LCT: variants seen among roughly 807,000 people sequenced by gnomAD.
LCT encodes the protein lactase.
A neutral mutation model predicts 173.0 loss-of-function variants in LCT; 90 were observed. The observed-to-expected ratio is 0.52, with a 90% CI of 0.44 to 0.62. The LOEUF is 0.62. LCT is among the 20% of genes least tolerant of loss of function. The pLI, the probability that LCT is intolerant of heterozygous loss-of-function variation, is 0.00. For synonymous variants in LCT, 853 were observed against 957.6 expected (o/e 0.89, Z 2.02); for missense variants, 1,864 against 2,431.4 (o/e 0.77, Z 4.91).
At position 135,811,005 on chromosome 2, in the gene LCT, C is replaced by T. The variant is rs370288322; in HGVS notation, c.2354-1012G>A. On this transcript the variant is annotated intron_variant, in intron 7 of 16. Transcript: ENST00000264162. ...TCGCGCCACTGCACTCCAGCCTCGG[C>T]GACAGAGCCAGACTCCGTCTCAAAA... Among the ~76,000 whole-genome samples the T allele has an allele frequency of 7.4e-5, 11 of 149,148 alleles. No homozygotes were observed. The East Asian group carries it at 9.8e-4, about 13-fold the overall frequency.
intron 3 of LCT, among the ~76,000 whole-genome samples, chr2:135,826,671 G>A (rs1558744755): frequency 1.3e-5 from 2 of 152,152 alleles, no homozygotes. Context: ...CGCCACCTCC[G>A]CACAACAGAG....
At position 135,812,815 on chromosome 2, in the gene LCT, G is replaced by A. The variant is rs780295545; in HGVS notation, c.1849C>T (p.Leu617=). 1 of 1,614,174 alleles carries A rather than the reference G, an allele frequency of 6.2e-7. No individual in the cohort carries two copies. Among genetic ancestry groups the A allele is most frequent in the Non-Finnish European group, 8.5e-7 (1 of 1,180,042 alleles). ...TGCAAGAAGCGCTCAGAGGCTCTCA[G>A]GTCCTCAGGCCTCTCTGGAGACAGG... ...EPLSPERPED[L]RASERFLHFM... Residue 617 remains leucine, a synonymous_variant, in exon 7 of 17, where the codon CTG becomes TTG. Coordinates refer to ENST00000264162, the MANE Select transcript of LCT (RefSeq NM_002299.4).
chr2:135,836,088 G>A (rs991043178), intron 1 of LCT, among the ~76,000 whole-genome samples: 14 of 146,026 alleles, frequency 9.6e-5, no homozygotes, highest in African/African-American at 5.2e-5. Context: ...GCATGATTTC[G>A]GCTCACTGCA....
At position 135,807,302 on chromosome 2, in the gene LCT, T is replaced by C; in HGVS notation, c.3999A>G (p.Gly1333=). 6.2e-7 allele frequency: 1 copy of C among 1,614,136 alleles called. No homozygotes were observed. The highest frequency in any genetic ancestry group is 1.3e-5 in the African/African-American group (1 of 75,030). The part of the protein sequence containing the change: ...EWLNGYTVKF[G]LYHVDFNNTN... ...TGTTGTTGAAATCAACATGGTACAG[T>C]CCAAACTTGACCGTGTAGCCATTTA... Residue 1333 remains glycine, a synonymous_variant, in exon 9 of 17, where the codon GGA becomes GGG. Coordinates refer to ENST00000264162, the MANE Select transcript of LCT (RefSeq NM_002299.4).
At chr2:135,821,072 G>A (rs528785620) in intron 5 of LCT, among the ~76,000 whole-genome samples, 26 of 152,056 alleles carry the variant, frequency 1.7e-4, no homozygotes, top group African/African-American at 5.1e-4. Context: ...TAGTAGAGAC[G>A]GGGTTTCACT....
chr2:135,790,648 C>G lies in LCT; in HGVS notation c.5335+10G>C. ...AAGGTGCACGCTGGGGAAGGGCGGG[C>G]CCGTCGTACCTTTGAGGGCCTCATT... On this transcript the variant is annotated intron_variant, in intron 15 of 16. Transcript: ENST00000264162. This position sits in a 1 kb window ranked among gnomAD's most constrained non-coding sequence, Gnocchi z 4.1. The G allele has an allele frequency of 6.4e-7, 1 of 1,570,150 alleles. No individual in the cohort carries two copies. Among genetic ancestry groups the G allele is most frequent in the Non-Finnish European group, 8.8e-7 (1 of 1,141,630 alleles).
Position 135,804,819 on chromosome 2 carries a change from T to C in LCT, c.4412A>G (p.Asn1471Ser). 6.2e-7 allele frequency: 1 copy of C among 1,613,824 alleles called. No homozygotes were observed. Among genetic ancestry groups the C allele is most frequent in the Non-Finnish European group, 8.5e-7 (1 of 1,180,034 alleles). ...TGTATCGATGAGCCTCACGTAGTAG[T>C]TCAGGCCCGCTTCATTGATGTACCT... ...TTRYINEAGL[N>S]YYVRLIDTLL... The change falls in exon 10 of 17, where the codon AAC becomes AGC. Residue 1471 changes from asparagine (N) to serine (S), a missense_variant. Asn to Ser is a conservative substitution (Grantham distance 46, BLOSUM62 1). Coordinates refer to ENST00000264162, the MANE Select transcript of LCT (RefSeq NM_002299.4).
intron 14 of LCT, among the ~76,000 whole-genome samples, chr2:135,791,424 G>A (rs2077532360): frequency 1.3e-5 from 2 of 152,260 alleles, no homozygotes; most frequent in Non-Finnish European, 2.9e-5. Context: ...TCTCTCTTCA[G>A]TGATGGACGA....
intron 13 of LCT, 114 bp downstream of exon 13, chr2:135,797,915 G>A: frequency 1.3e-6 from 1 of 748,752 alleles, no homozygotes; most frequent in Non-Finnish European, 2.4e-6. Context: ...TTACATATAT[G>A]ATCACATGTA....
In LCT at chr2:135,809,617, G is replaced by A. The variant is rs752135039; in HGVS notation, c.2730C>T (p.Gly910=). The part of the protein sequence containing the change: ...HGTFRDDFLW[G]VSSSAYQIEG... ...CAATCTGATAAGCGGAAGAGGACAC[G>A]CCCCACAGAAAGTCATCCCGAAACG... The change falls in exon 8 of 17, where the codon GGC becomes GGT. Residue 910 remains glycine (G), a synonymous_variant. Transcript: ENST00000264162. The surrounding 1 kb of genome is among the most constrained non-coding windows in gnomAD (Gnocchi z 5.5). The A allele has an allele frequency of 6.3e-5, 101 of 1,614,078 alleles. No individual in the cohort carries two copies. The highest frequency in any genetic ancestry group is 2.9e-4 in the East Asian group (13 of 44,898).
At chr2:135,789,913 GTAAGCTT>G in intron 15 of LCT, 115 bp from the exon 16 acceptor site, 2 of 833,078 alleles carry the variant, frequency 2.4e-6, no homozygotes, top group Non-Finnish European at 4.2e-6. Flanking sequence ...ACAGATGGCG[GTAAGCTT>G]TGGCTTTAGC....
intron 6 of LCT, among the ~76,000 whole-genome samples, chr2:135,816,447 A>G (rs2077782032): frequency 1.3e-5 from 2 of 152,188 alleles, no homozygotes; most frequent in Non-Finnish European, 2.9e-5. Flanking sequence ...CCTACTGGTC[A>G]TGAAATAACA....
chr2:135,809,473 C>T lies in LCT; in HGVS notation c.2874G>A (p.Gln958=). ...GGAGCATATTCAGATCGGCATCCAG[C>T]TGGTGATAGCTGTCACAGGCGATGT... is the stretch of plus-strand genomic sequence containing the variant. The part of the protein sequence containing the change: ...TGDIACDSYH[Q]LDADLNMLRA... Residue 958 remains glutamine, a synonymous_variant, in exon 8 of 17, where the codon CAG becomes CAA. Transcript: ENST00000264162. This position sits in a 1 kb window ranked among gnomAD's most constrained non-coding sequence, Gnocchi z 5.5. 2 of 1,614,248 alleles carry T rather than the reference C, an allele frequency of 1.2e-6. No individual in the cohort carries two copies. Among genetic ancestry groups the T allele is most frequent in the Non-Finnish European group, 1.7e-6 (2 of 1,180,050 alleles).
chr2:135,796,136 G>A (rs1395337974), intron 13 of LCT, among the ~76,000 whole-genome samples: 1 of 152,172 alleles, frequency 6.6e-6, no homozygotes, highest in Admixed American at 6.5e-5. Flanking sequence ...TAATACACTT[G>A]TGTGCAGCAT....
At chr2:135,818,587 C>T (rs2077800449) in intron 5 of LCT, among the ~76,000 whole-genome samples, 1 of 152,186 alleles carries the variant, frequency 6.6e-6, no homozygotes, top group South Asian at 2.1e-4. Context: ...TGCCTGTAAT[C>T]CCAGCACTTT....
Position 135,809,008 on chromosome 2 carries a change from C to T in LCT, c.3339G>A (p.Arg1113=). The part of the protein sequence containing the change: ...RVYHTYDEKY[R]QEQKGVISLS... ...GCGAGATGACCCCCTTCTGCTCCTG[C>T]CTGTATTTCTCATCGTACGTGTGAT... is the stretch of plus-strand genomic sequence containing the variant. Residue 1113 remains arginine (R), a synonymous_variant, in exon 8 of 17, where the codon AGG becomes AGA. Transcript: ENST00000264162. This position sits in a 1 kb window ranked among gnomAD's most constrained non-coding sequence, Gnocchi z 5.5. 6.2e-7 allele frequency: 1 copy of T among 1,611,300 alleles called. No individual in the cohort carries two copies. The highest frequency in any genetic ancestry group is 8.5e-7 in the Non-Finnish European group (1 of 1,178,050).
At chr2:135,814,966 G>A (rs1342870423) in intron 6 of LCT, among the ~76,000 whole-genome samples, 3 of 152,092 alleles carry the variant, frequency 2.0e-5, no homozygotes, top group Non-Finnish European at 4.4e-5. Flanking sequence ...AGAGGAGGTC[G>A]TGAGGGTGGG....
rs543993758 is a variant in LCT at position 135,829,652 on chromosome 2, C to T, written c.745G>A (p.Asp249Asn). 3.1e-5 allele frequency: 50 copies of T among 1,612,864 alleles called. No individual in the cohort carries two copies. In the South Asian group the frequency reaches 4.7e-4, roughly 15 times the overall value. The change falls in exon 3 of 17, where the codon GAT becomes AAT. Residue 249 changes from aspartate to asparagine, a missense_variant. Transcript: ENST00000264162. ...TCATTTTGGCATTCATAAGACAAAT[C>T]AAGAGAGAGGAAATCGACCGTGTCC... ...AQDTVDFLSL[D>N]LSYECQNEAS... is the part of the protein sequence containing the mutation.
At chr2:135,810,963 C>T (rs1231020175) in intron 7 of LCT, among the ~76,000 whole-genome samples, 1 of 151,460 alleles carries the variant, frequency 6.6e-6, no homozygotes, top group Non-Finnish European at 1.5e-5. Flanking sequence ...GGAGGCGGAG[C>T]TTGCAGTGAG....
Sources: gnomAD v4.1 joint callset for allele counts (sites outside exome capture counted in the v4.1 genomes callset) on GRCh38, gnomAD v4.1.1 for gene constraint, Gnocchi (gnomAD v3.1) non-coding constraint, MANE v1.5 for transcripts, NCBI Gene and HGNC (gene_info 2026-07-23, HGNC 2026-07-21) for gene names.